Variants in SBF2 observed in about 807,000 individuals in gnomAD.
SBF2 encodes the protein myotubularin-related protein 13.
SBF2 carries 112 observed loss-of-function variants against 225.2 expected under a neutral mutation model. The ratio of observed to expected loss-of-function variants is 0.50; its 90% CI spans 0.43 to 0.58. The LOEUF is 0.58. Ranked by LOEUF, SBF2 falls within the 20% of genes least tolerant of loss-of-function variation. SBF2 has a pLI of 0.00. For missense variants in SBF2, 1,996 were observed against 2,206.2 expected, an observed-to-expected ratio of 0.90 and a Z score of 1.91; for synonymous variants, 763 against 773.3, an observed-to-expected ratio of 0.99 and a Z score of 0.22.
At chr11:9,815,835 T>C (rs1854428495) in intron 29 of SBF2, among the ~76,000 whole-genome samples, 1 of 152,212 alleles carries the variant, frequency 6.6e-6, no homozygotes, top group African/African-American at 2.4e-5. Context: ...CCCAGCAGTT[T>C]TATGCCCTCT....
chr11:10,073,176 T>C (rs1283347060), intron 2 of SBF2, among the ~76,000 whole-genome samples: 2 of 152,154 alleles, frequency 1.3e-5, no homozygotes, highest in African/African-American at 2.4e-5. Flanking sequence ...CTTAGAATTC[T>C]GCCTAGCAGG....
chr11:10,140,669 C>A (rs2135134295), intron 2 of SBF2, among the ~76,000 whole-genome samples: 1 of 152,278 alleles, frequency 6.6e-6, no homozygotes, highest in East Asian at 1.9e-4. Flanking sequence ...GCCATGAGAA[C>A]CTCCCATTTA....
Position 9,852,662 on chromosome 11 carries a change from T to A in SBF2, c.2610+14A>T, listed in dbSNP as rs748244819. Reference sequence around the variant, plus strand: ...AGAGAGGCTATACCCTGAAAGCATGTAGTCTGGAATTACCTTCTGAATAGG... The same window carrying A: ...AGAGAGGCTATACCCTGAAAGCATGAAGTCTGGAATTACCTTCTGAATAGG... On this transcript the variant is annotated intron_variant, in intron 21 of 39. Coordinates refer to ENST00000256190, the MANE Select transcript of SBF2 (RefSeq NM_030962.4). 6 of 1,593,052 alleles carry A rather than the reference T, an allele frequency of 3.8e-6. No homozygotes were observed. The East Asian group carries it at 1.3e-4, about 36-fold the overall frequency.
At chr11:10,288,824 GGACAAA>G (rs1182503554) in intron 1 of SBF2, among the ~76,000 whole-genome samples, 1 of 152,230 alleles carries the variant, frequency 6.6e-6, no homozygotes, top group African/African-American at 2.4e-5. Flanking sequence ...GCCTCAGAGG[GGACAAA>G]GTGCACACCA....
intron 1 of SBF2, among the ~76,000 whole-genome samples, chr11:10,267,739 C>G (rs1356895915): frequency 6.6e-6 from 1 of 152,104 alleles, no homozygotes; most frequent in African/African-American, 2.4e-5. Flanking sequence ...TATTCTTCTA[C>G]AACCAAATTC....
intron 1 of SBF2, among the ~76,000 whole-genome samples, chr11:10,272,654 C>A (rs528337353): frequency 6.6e-6 from 1 of 152,088 alleles, no homozygotes; most frequent in African/African-American, 2.4e-5. Flanking sequence ...TGCCTGTAGT[C>A]CCAGCTACTT....
chr11:10,275,535 T>C (rs1460953825), intron 1 of SBF2, among the ~76,000 whole-genome samples: 1 of 152,090 alleles, frequency 6.6e-6, no homozygotes, highest in Non-Finnish European at 1.5e-5. Context: ...GTAAAATACA[T>C]GTATACCTTA....
intron 1 of SBF2, among the ~76,000 whole-genome samples, chr11:10,241,795 C>A (rs923996284): frequency 1.3e-5 from 2 of 151,992 alleles, no homozygotes; most frequent in African/African-American, 4.8e-5. Flanking sequence ...TCCATGGAAA[C>A]ACAAAATTAA....
At chr11:10,260,079 G>A (rs1271983833) in intron 1 of SBF2, among the ~76,000 whole-genome samples, 2 of 152,056 alleles carry the variant, frequency 1.3e-5, no homozygotes, top group Non-Finnish European at 2.9e-5. Flanking sequence ...GATAGTTTGG[G>A]TTCTCCTGCC....
chr11:10,162,080 T>G (rs1286298482), intron 2 of SBF2, among the ~76,000 whole-genome samples: 5 of 152,138 alleles, frequency 3.3e-5, no homozygotes, highest in South Asian at 2.1e-4. Context: ...AACATGAAGA[T>G]AAGAGTGATA....
At chr11:10,176,191 T>C (rs796135610) in intron 2 of SBF2, among the ~76,000 whole-genome samples, 1 of 143,928 alleles carries the variant, frequency 6.9e-6, no homozygotes, top group African/African-American at 2.6e-5. Flanking sequence ...ATTCAAAGCA[T>C]TGTGTAGAGG....
At chr11:10,252,718 G>C (rs1459091558) in intron 1 of SBF2, among the ~76,000 whole-genome samples, 1 of 152,036 alleles carries the variant, frequency 6.6e-6, no homozygotes, top group African/African-American at 2.4e-5. Flanking sequence ...GCTGAGGCAG[G>C]AGAATGGCGT....
intron 3 of SBF2, among the ~76,000 whole-genome samples, chr11:10,032,234 A>T (rs1949287879): frequency 6.6e-6 from 1 of 152,208 alleles, no homozygotes; most frequent in African/African-American, 2.4e-5. Context: ...CTCCCGCTTA[A>T]CAAACCCAAA....
chr11:10,266,957 A>G (rs113425657), intron 1 of SBF2, among the ~76,000 whole-genome samples: 8,278 of 152,236 alleles, frequency 0.054, 311 homozygotes, highest in Middle Eastern at 0.14. Flanking sequence ...AGCCAAGTGT[A>G]GTGGCACATG....
At chr11:9,851,963 G>A (rs372365935) in intron 21 of SBF2, among the ~76,000 whole-genome samples, 4 of 152,236 alleles carry the variant, frequency 2.6e-5, no homozygotes, top group East Asian at 3.9e-4. Flanking sequence ...TGTAGAGATG[G>A]GGTTTCATCA....
At chr11:10,162,061 T>C (rs1258593767) in intron 2 of SBF2, among the ~76,000 whole-genome samples, 1 of 152,094 alleles carries the variant, frequency 6.6e-6, no homozygotes, top group Non-Finnish European at 1.5e-5. Flanking sequence ...TCCTTCTGTG[T>C]AGGACGAGAA....
At chr11:9,829,658 A>C in intron 27 of SBF2, 162 bp from the exon 28 acceptor site, 1 of 640,262 alleles carries the variant, frequency 1.6e-6, no homozygotes, top group Non-Finnish European at 2.7e-6. Flanking sequence ...TTAAATTGCC[A>C]GTCTATTAAA....
At chr11:10,131,059 G>C (rs1954024071) in intron 2 of SBF2, among the ~76,000 whole-genome samples, 1 of 152,100 alleles carries the variant, frequency 6.6e-6, no homozygotes, top group African/African-American at 2.4e-5. Flanking sequence ...TACAACTGCT[G>C]AGTCATATGG....
chr11:9,820,836 T>C lies in SBF2; in HGVS notation c.3794-3812A>G, dbSNP rs967484312. Among the ~76,000 whole-genome samples, 4 of 152,224 alleles carry C rather than the reference T, an allele frequency of 2.6e-5. No homozygotes were observed. The East Asian group carries it at 7.7e-4, about 29-fold the overall frequency. On this transcript the variant is annotated intron_variant, in intron 28 of 39. Coordinates refer to ENST00000256190, the MANE Select transcript of SBF2 (RefSeq NM_030962.4). ...CTACGTCAAAAGGAAAAAATTAGGC[T>C]GAAAGGTGAGACATAACAAGACGCT... is the stretch of plus-strand genomic sequence containing the variant.
Sources: gnomAD v4.1 joint callset for allele counts (sites outside exome capture counted in the v4.1 genomes callset) on GRCh38, gnomAD v4.1.1 for gene constraint, MANE v1.5 for transcripts, NCBI Gene and HGNC (gene_info 2026-07-23, HGNC 2026-07-21) for gene names.